The following LINGO2 variants were observed in gnomAD, a reference collection of about 807,000 sequenced individuals.
The protein encoded by LINGO2 is leucine-rich repeat and immunoglobulin-like domain-containing nogo receptor-interacting protein 2.
Under a neutral mutation model 30.6 loss-of-function variants are expected in LINGO2, and 14 were observed. The observed-to-expected ratio is 0.46, with a 90% CI of 0.30 to 0.72. LINGO2 has a LOEUF of 0.72. LINGO2 is among the 30% of genes least tolerant of loss of function. The probability of loss-of-function intolerance (pLI) is 0.07; values close to 1 mark genes in which losing one functional copy is unlikely to be tolerated. For missense variants in LINGO2, 729 were observed against 751.7 expected (o/e 0.97, Z 0.35); for synonymous variants, 317 against 288.5 (o/e 1.10, Z -1.00).
chr9:28,709,500 G>A, the LINGO2 span, among the ~76,000 whole-genome samples: 47 of 151,986 alleles, frequency 3.1e-4, 1 homozygote, highest in South Asian at 5.6e-3. Flanking sequence ...ATCTAAGGCC[G>A]TGTTCCAAGC....
chr9:29,143,279 C>A, the LINGO2 span, among the ~76,000 whole-genome samples: 2 of 152,028 alleles, frequency 1.3e-5, no homozygotes, highest in Non-Finnish European at 2.9e-5. Flanking sequence ...CAATCCCTAT[C>A]AAAATTCCAA....
At chr9:28,992,009 A>G in the LINGO2 span, among the ~76,000 whole-genome samples, 7,313 of 152,284 alleles carry the variant, frequency 0.048, 234 homozygotes, top group East Asian at 0.11. Flanking sequence ...AAATTCACAC[A>G]TAACAATATT....
the LINGO2 span, among the ~76,000 whole-genome samples, chr9:28,683,699 A>T: frequency 6.6e-6 from 1 of 152,208 alleles, no homozygotes; most frequent in South Asian, 2.1e-4. Context: ...TACAACCATG[A>T]TAAAAAATCT....
chr9:28,664,528 A>G (rs999387193), intron 1 of LINGO2, among the ~76,000 whole-genome samples: 1 of 152,078 alleles, frequency 6.6e-6, no homozygotes, highest in Non-Finnish European at 1.5e-5. Flanking sequence ...ACATTTTGAG[A>G]TAAGATAAAA....
At chr9:28,671,864 G>A (rs1829033308), upstream of LINGO2, among the ~76,000 whole-genome samples, 1 of 152,038 alleles carries the variant, frequency 6.6e-6, no homozygotes, top group South Asian at 2.1e-4. Flanking sequence ...ATAAAGACAT[G>A]AGCATTTCCT....
intron 4 of LINGO2, among the ~76,000 whole-genome samples, chr9:28,055,399 G>T (rs974944881): frequency 6.6e-6 from 1 of 152,084 alleles, no homozygotes; most frequent in African/African-American, 2.4e-5. Flanking sequence ...GAATGGCCAG[G>T]CTATTTTAGC....
chr9:29,155,788 C>A, the LINGO2 span, among the ~76,000 whole-genome samples: 3 of 151,868 alleles, frequency 2.0e-5, no homozygotes, highest in Non-Finnish European at 4.4e-5. Flanking sequence ...GTTTGTGTTT[C>A]CTTTTTTGAA....
the LINGO2 span, among the ~76,000 whole-genome samples, chr9:28,896,018 C>T: frequency 7.9e-5 from 12 of 151,910 alleles, no homozygotes; most frequent in African/African-American, 2.7e-4. Flanking sequence ...TGACATTAAG[C>T]GTTCAGAATG....
the LINGO2 span, among the ~76,000 whole-genome samples, chr9:29,196,039 A>G: frequency 2.0e-5 from 3 of 152,158 alleles, no homozygotes; most frequent in Admixed American, 6.5e-5. Flanking sequence ...CAGCTAAGAA[A>G]GACTGAAGGA....
chr9:28,073,990 G>A (rs974409752), intron 4 of LINGO2, among the ~76,000 whole-genome samples: 1 of 152,170 alleles, frequency 6.6e-6, no homozygotes, highest in South Asian at 2.1e-4. Context: ...GGGTTGTCTT[G>A]AGCATATCAG....
chr9:28,853,940 G>GA, the LINGO2 span, among the ~76,000 whole-genome samples: 12 of 150,230 alleles, frequency 8.0e-5, no homozygotes, highest in Admixed American at 3.3e-4. Context: ...TTTGAAAAGA[G>GA]AAAAAAAAAT....
chr9:28,872,341 G>T, the LINGO2 span, among the ~76,000 whole-genome samples: 1 of 151,874 alleles, frequency 6.6e-6, no homozygotes, highest in African/African-American at 2.4e-5. Flanking sequence ...AACTATTGTA[G>T]TTGTCCTCAC....
intron 4 of LINGO2, among the ~76,000 whole-genome samples, chr9:28,026,191 T>C (rs1327719059): frequency 6.6e-6 from 1 of 152,344 alleles, no homozygotes; most frequent in East Asian, 1.9e-4. Flanking sequence ...AATCCCTTTG[T>C]TAAGTGTACT....
At chr9:27,957,846 A>G (rs1049986119) in intron 5 of LINGO2, among the ~76,000 whole-genome samples, 1 of 152,242 alleles carries the variant, frequency 6.6e-6, no homozygotes, top group Non-Finnish European at 1.5e-5. Flanking sequence ...CGAATGTTGT[A>G]CGAGCTTCTT....
intron 1 of LINGO2, among the ~76,000 whole-genome samples, chr9:28,550,568 G>T (rs1822222638): frequency 6.6e-6 from 1 of 151,628 alleles, no homozygotes; most frequent in Admixed American, 6.6e-5. Context: ...TTGTCAGGGT[G>T]CCATTTCTCC....
At position 28,650,417 on chromosome 9, in the gene LINGO2, G is replaced by A. The variant is rs149117985; in HGVS notation, c.-365+19783C>T. Reference sequence around the variant, plus strand: ...TTCTATGGCACCAGGATTTAACTATGCTCTCTTTTCATCCTCCAGTGCTTA... The same window carrying A: ...TTCTATGGCACCAGGATTTAACTATACTCTCTTTTCATCCTCCAGTGCTTA... On this transcript the variant is annotated intron_variant, in intron 1 of 5. Transcript: ENST00000379992. Among the ~76,000 whole-genome samples, 145 of 152,166 alleles carry A rather than the reference G, an allele frequency of 9.5e-4. 1 individual carries two copies. Among genetic ancestry groups the A allele is most frequent in the Non-Finnish European group, 1.8e-3 (123 of 67,988 alleles).
At chr9:28,100,588 A>C (rs1826385116) in intron 4 of LINGO2, among the ~76,000 whole-genome samples, 2 of 152,160 alleles carry the variant, frequency 1.3e-5, no homozygotes, top group South Asian at 4.1e-4. Flanking sequence ...TATGTAGAAG[A>C]AGACAATTCT....
the LINGO2 span, among the ~76,000 whole-genome samples, chr9:28,733,688 A>G: frequency 6.6e-6 from 1 of 152,104 alleles, no homozygotes; most frequent in Non-Finnish European, 1.5e-5. Flanking sequence ...TGTGATATCT[A>G]TCATTACTCA....
At chr9:28,665,249 T>A (rs1828753898) in intron 1 of LINGO2, among the ~76,000 whole-genome samples, 1 of 151,772 alleles carries the variant, frequency 6.6e-6, no homozygotes, top group Non-Finnish European at 1.5e-5. Flanking sequence ...GGCAACCTGA[T>A]CAAATCTACT....
Sources: allele counts gnomAD v4.1 joint callset (sites outside exome capture counted in the v4.1 genomes callset), GRCh38; gene constraint gnomAD v4.1.1; transcripts MANE v1.5; gene names NCBI Gene and HGNC (gene_info 2026-07-23, HGNC 2026-07-21).